LRMDA: variants seen among roughly 807,000 people sequenced by gnomAD.
The protein encoded by LRMDA is leucine-rich melanocyte differentiation-associated protein.
A neutral mutation model predicts 29.8 loss-of-function variants in LRMDA; 18 were observed. That is an observed-to-expected ratio of 0.60 (90% CI 0.42 to 0.90). The LOEUF (loss-of-function observed/expected upper bound fraction) is 0.90, where lower values mean the gene tolerates loss of function less well. Ranked by LOEUF, LRMDA falls within the 40% of genes least tolerant of loss-of-function variation. The probability of loss-of-function intolerance (pLI) is 0.00; values close to 1 mark genes in which losing one functional copy is unlikely to be tolerated. For missense variants in LRMDA, 273 were observed against 273.9 expected, an observed-to-expected ratio of 1.00 and a Z score of 0.02; for synonymous variants, 125 against 109.4, an observed-to-expected ratio of 1.14 and a Z score of -0.89.
chr10:75,462,335 A>G (rs532400050), intron 2 of LRMDA, among the ~76,000 whole-genome samples: 1 of 152,352 alleles, frequency 6.6e-6, no homozygotes, highest in African/African-American at 2.4e-5. Context: ...GAGTGTCACA[A>G]ATGTGAATTG....
chr10:75,726,021 C>T (rs564115098), intron 2 of LRMDA, among the ~76,000 whole-genome samples: 6 of 152,144 alleles, frequency 3.9e-5, no homozygotes, highest in South Asian at 4.2e-4. Flanking sequence ...CCAAGGGGAC[C>T]GTGAAGAGAG....
At chr10:76,234,455 C>T (rs984149083) in intron 5 of LRMDA, among the ~76,000 whole-genome samples, 2 of 152,166 alleles carry the variant, frequency 1.3e-5, no homozygotes, top group African/African-American at 2.4e-5. Flanking sequence ...AACTTAAAGT[C>T]GCCAGATACA....
intron 6 of LRMDA, among the ~76,000 whole-genome samples, chr10:76,373,719 C>G (rs1241420304): frequency 6.6e-6 from 1 of 152,074 alleles, no homozygotes; most frequent in Non-Finnish European, 1.5e-5. Context: ...CCCAGGCTAT[C>G]CTAGCATAGC....
chr10:76,400,723 A>G (rs1199884244), intron 6 of LRMDA, among the ~76,000 whole-genome samples: 1 of 109,722 alleles, frequency 9.1e-6, no homozygotes, highest in Middle Eastern at 4.2e-3. Flanking sequence ...CTTAAATGTC[A>G]CCTCTTTCAT....
chr10:75,737,771 G>T (rs890090933), intron 2 of LRMDA, among the ~76,000 whole-genome samples: 36 of 152,112 alleles, frequency 2.4e-4, no homozygotes, highest in Admixed American at 2.2e-3. Context: ...GAGCCATCAT[G>T]GTAATAGAAA....
At chr10:75,803,437 G>A (rs1843791900) in intron 2 of LRMDA, among the ~76,000 whole-genome samples, 1 of 152,252 alleles carries the variant, frequency 6.6e-6, no homozygotes, top group Admixed American at 6.5e-5. Flanking sequence ...GGGGTAACAA[G>A]TCCTGCCGGG....
chr10:75,615,386 C>T (rs1841086064), intron 2 of LRMDA, among the ~76,000 whole-genome samples: 1 of 152,118 alleles, frequency 6.6e-6, no homozygotes, highest in African/African-American at 2.4e-5. Flanking sequence ...ACCAGTTGAG[C>T]ATCCCTAATG....
intron 2 of LRMDA, among the ~76,000 whole-genome samples, chr10:75,842,013 C>A (rs577779341): frequency 6.6e-6 from 1 of 152,288 alleles, no homozygotes; most frequent in South Asian, 2.1e-4. Flanking sequence ...TAGATATCCA[C>A]GTTTTTCTGG....
At chr10:75,847,695 A>C (rs1035934232) in intron 2 of LRMDA, among the ~76,000 whole-genome samples, 3 of 152,206 alleles carry the variant, frequency 2.0e-5, no homozygotes, top group Admixed American at 2.0e-4. Flanking sequence ...CATGAATAGA[A>C]GTTCTCCAAA....
intron 2 of LRMDA, among the ~76,000 whole-genome samples, chr10:75,444,879 T>C (rs566130850): frequency 2.6e-5 from 4 of 152,340 alleles, no homozygotes; most frequent in Middle Eastern, 6.8e-3. Flanking sequence ...TGCCATTGTT[T>C]ACATTGTGTT....
At chr10:75,715,723 T>C (rs1842491765) in intron 2 of LRMDA, among the ~76,000 whole-genome samples, 1 of 152,194 alleles carries the variant, frequency 6.6e-6, no homozygotes, top group African/African-American at 2.4e-5. Flanking sequence ...TGATAATTCA[T>C]AATATTTTAT....
chr10:75,557,669 T>A (rs931731773), intron 2 of LRMDA, among the ~76,000 whole-genome samples: 1 of 152,214 alleles, frequency 6.6e-6, no homozygotes, highest in Non-Finnish European at 1.5e-5. Context: ...ATATTGAGAA[T>A]CAGCTAGAGC....
chr10:76,150,375 C>G (rs527833906), intron 5 of LRMDA, among the ~76,000 whole-genome samples: 34 of 152,164 alleles, frequency 2.2e-4, no homozygotes, highest in Non-Finnish European at 4.6e-4. Flanking sequence ...ACAAAGGGGG[C>G]CTGAAGGGTG....
intron 5 of LRMDA, among the ~76,000 whole-genome samples, chr10:76,253,342 ATTTAT>A (rs1852520876): frequency 6.6e-6 from 1 of 152,076 alleles, no homozygotes; most frequent in African/African-American, 2.4e-5. Context: ...ATTGCATCTC[ATTTAT>A]TTTATTTGTT....
chr10:75,982,317 C>T (rs940192712), intron 2 of LRMDA, among the ~76,000 whole-genome samples: 2 of 152,184 alleles, frequency 1.3e-5, no homozygotes, highest in Non-Finnish European at 2.9e-5. Context: ...GGGCGATTCC[C>T]CCTTACATTC....
At chr10:75,830,422 G>T (rs1844320093) in intron 2 of LRMDA, among the ~76,000 whole-genome samples, 1 of 152,322 alleles carries the variant, frequency 6.6e-6, no homozygotes, top group South Asian at 2.1e-4. Flanking sequence ...ACCTGAGACT[G>T]GGCAATGTAC....
At chr10:75,485,554 G>T (rs767403070) in intron 2 of LRMDA, among the ~76,000 whole-genome samples, 6 of 151,944 alleles carry the variant, frequency 3.9e-5, no homozygotes, top group Non-Finnish European at 8.8e-5. Flanking sequence ...GTGCCACCAT[G>T]CCCAGCTAAT....
At chr10:75,963,547 G>A (rs1846804671) in intron 2 of LRMDA, among the ~76,000 whole-genome samples, 1 of 152,198 alleles carries the variant, frequency 6.6e-6, no homozygotes, top group Non-Finnish European at 1.5e-5. Context: ...TGCAGTCTAT[G>A]CAAAAGAAAG....
intron 2 of LRMDA, among the ~76,000 whole-genome samples, chr10:75,716,437 A>G (rs1842500624): frequency 6.6e-6 from 1 of 152,222 alleles, no homozygotes; most frequent in South Asian, 2.1e-4. Context: ...AATCTAAAGC[A>G]TCCTAAAGGG....
Sources: gnomAD v4.1 joint callset for allele counts (sites outside exome capture counted in the v4.1 genomes callset) on GRCh38, gnomAD v4.1.1 for gene constraint, MANE v1.5 for transcripts, NCBI Gene and HGNC (gene_info 2026-07-23, HGNC 2026-07-21) for gene names.